Variants in SMC5 observed in about 807,000 individuals in gnomAD.
SMC5 encodes the protein structural maintenance of chromosomes protein 5.
Under a neutral mutation model 148.3 loss-of-function variants are expected in SMC5, and 88 were observed. That is an observed-to-expected ratio of 0.59 (90% CI 0.50 to 0.71). The LOEUF (loss-of-function observed/expected upper bound fraction) is 0.71, where lower values mean the gene tolerates loss of function less well. Among genes scored for constraint, SMC5 ranks in the 30% least tolerant of loss-of-function variants. The probability of loss-of-function intolerance (pLI) is 0.00; values close to 1 mark genes in which losing one functional copy is unlikely to be tolerated. For missense variants in SMC5, 1,142 were observed against 1,298.9 expected (o/e 0.88, Z 1.86); for synonymous variants, 421 against 432.8 (o/e 0.97, Z 0.34).
chr9:70,275,836 T>C (rs2034577897), intron 3 of SMC5, among the ~76,000 whole-genome samples: 1 of 152,214 alleles, frequency 6.6e-6, no homozygotes, highest in Non-Finnish European at 1.5e-5. Context: ...AGTTCTTTTT[T>C]ATTATCTCTT....
At chr9:70,337,005 T>A (rs2036374828) in intron 17 of SMC5, among the ~76,000 whole-genome samples, 1 of 152,050 alleles carries the variant, frequency 6.6e-6, no homozygotes, top group Admixed American at 6.6e-5. Flanking sequence ...AGAAAGCTTG[T>A]ACAGGGAAAC....
intron 17 of SMC5, among the ~76,000 whole-genome samples, chr9:70,324,551 A>G (rs969208776): frequency 2.3e-4 from 35 of 152,198 alleles, no homozygotes; most frequent in Non-Finnish European, 1.0e-4. Flanking sequence ...CACGTATAAC[A>G]AAACTAAGTT....
intron 17 of SMC5, among the ~76,000 whole-genome samples, chr9:70,331,128 T>C (rs574507013): frequency 6.6e-6 from 1 of 152,310 alleles, no homozygotes; most frequent in South Asian, 2.1e-4. Flanking sequence ...CCCAAGCTGT[T>C]CCATTTTCCA....
At chr9:70,299,733 G>T (rs547631712) in intron 9 of SMC5, among the ~76,000 whole-genome samples, 96 of 151,416 alleles carry the variant, frequency 6.3e-4, no homozygotes, top group Non-Finnish European at 1.2e-3. Context: ...GAATTTTGAA[G>T]GCCTATTGCT....
chr9:70,324,206 T>C, intron 17 of SMC5, 63 bp downstream of exon 17: 1 of 1,493,654 alleles, frequency 6.7e-7, no homozygotes, highest in Non-Finnish European at 9.0e-7. Flanking sequence ...TGAAAATATA[T>C]ATCGTGTCAT....
chr9:70,346,643 C>A lies in SMC5; in HGVS notation c.2562C>A (p.Leu854=). The change falls in exon 19 of 25, where the codon CTC becomes CTA. Residue 854 remains leucine, a synonymous_variant. Transcript: ENST00000361138. ...PTIPNGHNSS[L]PMVFQDLPNT... ...TTCCAAATGGACACAACTCCTCACT[C>A]CCCATGGTATGCAGTACTCATTCTT... is the stretch of plus-strand genomic sequence containing the variant. The A allele has an allele frequency of 6.2e-7, 1 of 1,613,998 alleles. No individual in the cohort carries two copies.
Position 70,352,351 on chromosome 9 carries a change from C to A in SMC5, c.*20C>A. ...TCTTAATAAAAGTAAAGAGAGGGAA[C>A]TTGGGAATTTTTTTTGTTAAATTCT... On this transcript the variant is annotated 3_prime_UTR_variant, in exon 25 of 25. Transcript: ENST00000361138. 2 of 1,567,796 alleles carry A rather than the reference C, an allele frequency of 1.3e-6. No homozygotes were observed. The highest frequency in any genetic ancestry group is 1.7e-6 in the Non-Finnish European group (2 of 1,160,636).
Position 70,347,170 on chromosome 9 carries a change from G to C in SMC5, c.2664+9G>C, listed in dbSNP as rs2036685802. 3.1e-6 allele frequency: 5 copies of C among 1,610,706 alleles called. No individual in the cohort carries two copies. Among genetic ancestry groups the C allele is most frequent in the Non-Finnish European group, 4.2e-6 (5 of 1,177,320 alleles). On this transcript the variant is annotated intron_variant, in intron 20 of 24. Coordinates refer to ENST00000361138, the MANE Select transcript of SMC5 (RefSeq NM_015110.4). Reference sequence around the variant, plus strand: ...CGGGACTGAATCCTACAGTATGCCTGTTTCTCTATTCCCATTCTGCATCCA... The same window carrying C: ...CGGGACTGAATCCTACAGTATGCCTCTTTCTCTATTCCCATTCTGCATCCA...
In SMC5 at chr9:70,353,322, G is replaced by A. The variant is rs1307840854; in HGVS notation, c.*991G>A. The A allele has an allele frequency of 6.6e-6, 1 of 152,062 alleles. No individual in the cohort carries two copies. The highest frequency in any genetic ancestry group is 1.5e-5 in the Non-Finnish European group (1 of 67,992). 9.4% of individuals were successfully genotyped at this position (152,062 alleles called of 1,614,324 possible). A position where few individuals can be genotyped will look rare whatever the true frequency, so the allele number is the denominator to read the frequency against. ...ATAGGGCCTTTCTTACAATGTTGAT[G>A]TACCCATTATCTTAGAAAATCTAGT... On this transcript the variant is annotated 3_prime_UTR_variant, in exon 25 of 25. Coordinates refer to ENST00000361138, the MANE Select transcript of SMC5 (RefSeq NM_015110.4).
intron 13 of SMC5, among the ~76,000 whole-genome samples, chr9:70,315,815 G>A (rs1303959949): frequency 1.3e-5 from 2 of 151,946 alleles, no homozygotes; most frequent in Non-Finnish European, 2.9e-5. Flanking sequence ...AATACATTTA[G>A]GGTAATTCCA....
chr9:70,282,016 T>C (rs1258682859), intron 6 of SMC5, among the ~76,000 whole-genome samples: 1 of 151,552 alleles, frequency 6.6e-6, no homozygotes, highest in African/African-American at 2.4e-5. Flanking sequence ...GTTTTTATTT[T>C]TCTTTTGACC....
Position 70,347,627 on chromosome 9 carries a change from T to G in SMC5, c.2679T>G (p.Tyr893Ter). The change falls in exon 21 of 25, where the codon TAT becomes TAG. Residue 893 changes from tyrosine (Y) to a stop codon, truncating the protein, a stop_gained. Transcript: ENST00000361138. LOFTEE classifies it high-confidence loss of function. ...TCCCCTGCCAGATTGTTCAGGAATA[T>G]ACAAAAAGAGAAGAAGAAATAGAAC... ...TGLNPTIVQE[Y>*]TKREEEIEQL... 2 of 1,563,282 alleles carry G rather than the reference T, an allele frequency of 1.3e-6. No individual in the cohort carries two copies. The highest frequency in any genetic ancestry group is 1.7e-6 in the Non-Finnish European group (2 of 1,157,264).
chr9:70,267,806 C>A, intron 2 of SMC5, 117 bp from the exon 3 acceptor site: 1 of 791,742 alleles, frequency 1.3e-6, no homozygotes, highest in Non-Finnish European at 2.1e-6. Context: ...CAGGAGCGAA[C>A]ATACAAGTGG....
intron 1 of SMC5, among the ~76,000 whole-genome samples, chr9:70,262,789 A>G (rs2034175059): frequency 6.6e-6 from 1 of 152,220 alleles, no homozygotes. Context: ...TGGAATGATA[A>G]GAGGGTGGGT....
intron 8 of SMC5, 62 bp downstream of exon 8, chr9:70,286,333 A>G: frequency 9.7e-7 from 1 of 1,028,568 alleles, no homozygotes; most frequent in Admixed American, 1.9e-5. Flanking sequence ...GTTTTCAAAT[A>G]CAGATTATGA....
At chr9:70,292,957 T>G (rs965382984) in intron 8 of SMC5, among the ~76,000 whole-genome samples, 1 of 152,154 alleles carries the variant, frequency 6.6e-6, no homozygotes, top group Admixed American at 6.5e-5. Context: ...TTTTGTAGTC[T>G]TCTTGTATTC....
chr9:70,347,248 C>A, intron 20 of SMC5, 87 bp downstream of exon 20: 1 of 1,012,124 alleles, frequency 9.9e-7, no homozygotes. Context: ...GAGTTCCCTC[C>A]AGTACTTGCC....
intron 2 of SMC5, among the ~76,000 whole-genome samples, chr9:70,265,104 G>A (rs1361893208): frequency 3.9e-5 from 6 of 152,122 alleles, no homozygotes; most frequent in Admixed American, 6.6e-5. Flanking sequence ...AATACTGCCC[G>A]AACAATCCAG....
chr9:70,329,232 G>C (rs568137274), intron 17 of SMC5, among the ~76,000 whole-genome samples: 1 of 152,160 alleles, frequency 6.6e-6, no homozygotes, highest in East Asian at 1.9e-4. Flanking sequence ...TTCCTTCTCC[G>C]GGAAATGGGT....
Sources: allele counts gnomAD v4.1 joint callset (sites outside exome capture counted in the v4.1 genomes callset), GRCh38; gene constraint gnomAD v4.1.1; transcripts MANE v1.5; gene names NCBI Gene and HGNC (gene_info 2026-07-23, HGNC 2026-07-21).